The following SERPINA12 variants were observed in gnomAD, a reference collection of about 807,000 sequenced individuals.
SERPINA12 encodes the protein serpin A12.
A neutral mutation model predicts 25.9 loss-of-function variants in SERPINA12; 21 were observed. The observed-to-expected ratio is 0.81, with a 90% confidence interval of 0.58 to 1.17. The LOEUF (loss-of-function observed/expected upper bound fraction) is 1.17, where lower values mean the gene tolerates loss of function less well. SERPINA12 is among the 50% of genes most tolerant of loss of function. The pLI is 0.00. For synonymous variants in SERPINA12, 220 were observed against 196.0 expected (o/e 1.12, Z -1.02); for missense variants, 562 against 508.3 (o/e 1.11, Z -1.02).
Position 94,498,121 on chromosome 14 carries a change from T to C in SERPINA12, c.277A>G (p.Ser93Gly), listed in dbSNP as rs369581959. ...CCCTGCTTGATCTCGTCCAGGGTGC[T>C]GTCCTGGGCACCCAGGCACAGCATG... ...FSMLCLGAQDSTLDEIKQGFN... is the reference protein window; with the variant it reads ...FSMLCLGAQDGTLDEIKQGFN... The change falls in exon 2 of 5, where the codon AGC (serine) becomes GGC (glycine). Residue 93 changes from serine to glycine, a missense_variant. Physicochemically the swap from Ser to Gly is moderately conservative, Grantham distance 56. Coordinates refer to ENST00000677451, the MANE Select transcript of SERPINA12 (RefSeq NM_001382267.1). 1.2e-6 allele frequency: 2 copies of C among 1,614,114 alleles called. No individual in the cohort carries two copies. The highest frequency in any genetic ancestry group is 1.7e-6 in the Non-Finnish European group (2 of 1,180,000).
chr14:94,492,531 A>G (rs746429690), intron 3 of SERPINA12, among the ~76,000 whole-genome samples: 4 of 152,212 alleles, frequency 2.6e-5, no homozygotes, highest in Admixed American at 2.0e-4. Context: ...ATGATAGGAA[A>G]GATAAGGGCA....
intron 3 of SERPINA12, among the ~76,000 whole-genome samples, chr14:94,491,070 ATTCATTC>A (rs1900160682): frequency 6.6e-6 from 1 of 152,166 alleles, no homozygotes; most frequent in African/African-American, 2.4e-5. Context: ...CTTTCCACTC[ATTCATTC>A]ACTCAACAAA....
chr14:94,493,735 T>G (rs983224408), intron 3 of SERPINA12, among the ~76,000 whole-genome samples: 1 of 152,162 alleles, frequency 6.6e-6, no homozygotes, highest in Non-Finnish European at 1.5e-5. Context: ...CCTGGGTCCC[T>G]GTGAGGAGCT....
At chr14:94,508,751 T>TTA (rs1405926590) in intron 1 of SERPINA12, among the ~76,000 whole-genome samples, 5 of 152,218 alleles carry the variant, frequency 3.3e-5, no homozygotes, top group East Asian at 3.8e-4. Context: ...TTAAGAGTTC[T>TTA]TATATATATC....
At chr14:94,511,561 G>T, upstream of SERPINA12, 7 of 985,330 alleles carry the variant, frequency 7.1e-6, no homozygotes, top group Non-Finnish European at 8.4e-6. Flanking sequence ...TTGTCGGGTT[G>T]GTTCGTGCAG....
Position 94,496,411 on chromosome 14 carries a change from C to G in SERPINA12, c.867G>C (p.Val289=), listed in dbSNP as rs368377066. Residue 289 remains valine, a synonymous_variant, in exon 3 of 5, where the codon GTG becomes GTC. Coordinates refer to ENST00000677451, the MANE Select transcript of SERPINA12 (RefSeq NM_001382267.1). ...KLKHLEKGLQ[V]DTFSRWKTLL... is the part of the protein sequence containing the mutation. ...ATGTTTTCCATCTGGAGAAAGTGTC[C>G]ACCTGCAATCCCTTCTCCAAGTGCT... 8 of 1,614,040 alleles carry G rather than the reference C, an allele frequency of 5.0e-6. No homozygotes were observed. In the African/African-American group the frequency reaches 1.1e-4, roughly 22 times the overall value.
chr14:94,505,933 G>A (rs934779782), intron 1 of SERPINA12, among the ~76,000 whole-genome samples: 2 of 152,194 alleles, frequency 1.3e-5, no homozygotes, highest in African/African-American at 4.8e-5. Context: ...TGTCCTGCCT[G>A]GGGAAAAGAG....
rs533125370 is a variant in SERPINA12, at chr14:94,499,302, T to C, written c.-33-872A>G. Among the ~76,000 whole-genome samples the C allele has an allele frequency of 4.2e-3, 645 of 152,312 alleles. 3 individuals carry two copies. The highest frequency in any genetic ancestry group is 5.8e-3 in the Non-Finnish European group (396 of 68,016). On this transcript the variant is annotated intron_variant, in intron 1 of 4. Transcript: ENST00000677451. ...TGGGAGAGGAACAGCCAGGTCTGCC[T>C]GGCTCTGGACTGCTGCTCCTTTCAT...
chr14:94,515,905 A>G (rs989557276), exon 2 of SERPINA12: 7 of 152,208 alleles, frequency 4.6e-5, no homozygotes, highest in Admixed American at 4.6e-4. Context: ...TTCCTGGGAT[A>G]TTTGGAAAGA....
At chr14:94,491,127 G>A (rs76576636) in intron 3 of SERPINA12, among the ~76,000 whole-genome samples, 1 of 152,192 alleles carries the variant, frequency 6.6e-6, no homozygotes, top group African/African-American at 2.4e-5. Context: ...TGCTGTTCTA[G>A]GTGCTGGAGA....
intron 1 of SERPINA12, among the ~76,000 whole-genome samples, chr14:94,505,718 C>T (rs1309441729): frequency 2.0e-5 from 3 of 152,210 alleles, no homozygotes; most frequent in African/African-American, 7.2e-5. Context: ...GCCTCCCTGC[C>T]TGCCCCAGAC....
chr14:94,489,171 A>G (rs552830483), intron 4 of SERPINA12, among the ~76,000 whole-genome samples: 21 of 144,708 alleles, frequency 1.5e-4, no homozygotes, highest in East Asian at 1.0e-3. Context: ...AAGAAAGAAA[A>G]AAAGAGAGAG....
At chr14:94,517,314 A>T (rs761387273) in intron 1 of SERPINA12, 1 of 152,278 alleles carries the variant, frequency 6.6e-6, no homozygotes, top group African/African-American at 2.4e-5. Context: ...TCTGTCTCCC[A>T]AAGCAAGCAT....
intron 1 of SERPINA12, among the ~76,000 whole-genome samples, chr14:94,508,395 ATT>A (rs1901007773): frequency 1.1e-4 from 2 of 18,730 alleles, no homozygotes; most frequent in Non-Finnish European, 1.8e-4. Flanking sequence ...GAAATAGAAA[ATT>A]TAGAAAATTT....
chr14:94,499,041 T>C (rs1031080647), intron 1 of SERPINA12, among the ~76,000 whole-genome samples: 7 of 152,222 alleles, frequency 4.6e-5, no homozygotes, highest in Admixed American at 3.9e-4. Flanking sequence ...CTCAGTTTGC[T>C]ACCCACTTCC....
upstream of SERPINA12, among the ~76,000 whole-genome samples, chr14:94,513,365 C>G (rs1384888808): frequency 6.6e-6 from 1 of 152,146 alleles, no homozygotes; most frequent in Non-Finnish European, 1.5e-5. Context: ...GCAGTACAAA[C>G]CAAGAAACAG....
At chr14:94,499,157 C>G (rs60681959) in intron 1 of SERPINA12, among the ~76,000 whole-genome samples, 6,506 of 152,248 alleles carry the variant, frequency 0.043, 245 homozygotes, top group South Asian at 0.094. Flanking sequence ...TTACAGAGAT[C>G]AAGCTCTTTG....
intron 3 of SERPINA12, among the ~76,000 whole-genome samples, chr14:94,490,130 T>C (rs1299007330): frequency 6.6e-6 from 1 of 152,126 alleles, no homozygotes. Context: ...GACCTGACAC[T>C]GGAGGGAACA....
At chr14:94,513,072 C>T (rs146021860), upstream of SERPINA12, among the ~76,000 whole-genome samples, 856 of 152,332 alleles carry the variant, frequency 5.6e-3, 5 homozygotes, top group African/African-American at 0.02. Flanking sequence ...AGCCATCCCA[C>T]GGCTCACCAT....
Sources: gnomAD v4.1 joint callset for allele counts (sites outside exome capture counted in the v4.1 genomes callset) on GRCh38, gnomAD v4.1.1 for gene constraint, MANE v1.5 for transcripts, NCBI Gene and HGNC (gene_info 2026-07-23, HGNC 2026-07-21) for gene names.